The following GRID2 variants were observed in gnomAD, a reference collection of about 807,000 sequenced individuals.
GRID2 encodes glutamate ionotropic receptor delta type subunit 2.
In GRID2, 33 loss-of-function variants were observed where a neutral mutation model predicts 114.8. The observed-to-expected ratio is 0.29, with a 90% CI of 0.22 to 0.38. The LOEUF (loss-of-function observed/expected upper bound fraction) is 0.38, where lower values mean the gene tolerates loss of function less well. Among genes scored for constraint, GRID2 ranks in the 10% least tolerant of loss-of-function variants. The pLI, the probability that GRID2 is intolerant of heterozygous loss-of-function variation, is 1.00. For missense variants in GRID2, 1,184 were observed against 1,257.7 expected (o/e 0.94, Z 0.89); for synonymous variants, 505 against 449.9 (o/e 1.12, Z -1.55).
At chr4:93,250,728 G>T (rs931000029) in intron 8 of GRID2, among the ~76,000 whole-genome samples, 31 of 145,702 alleles carry the variant, frequency 2.1e-4, no homozygotes, top group Admixed American at 4.1e-4. Context: ...ACATGTATAT[G>T]TGCATATATA....
intron 8 of GRID2, among the ~76,000 whole-genome samples, chr4:93,367,387 T>C (rs1000412739): frequency 1.3e-5 from 2 of 152,066 alleles, no homozygotes; most frequent in African/African-American, 4.8e-5. Context: ...CCCCAATCTA[T>C]TGGACTCTTT....
chr4:92,469,709 AC>A (rs1380993438), intron 1 of GRID2, among the ~76,000 whole-genome samples: 2 of 152,050 alleles, frequency 1.3e-5, no homozygotes, highest in Admixed American at 6.6e-5. Context: ...AATGAAACAA[AC>A]AAAAAAGCCA....
intron 13 of GRID2, among the ~76,000 whole-genome samples, chr4:93,595,920 A>G (rs759928863): frequency 6.6e-6 from 1 of 152,118 alleles, no homozygotes; most frequent in Non-Finnish European, 1.5e-5. Context: ...CTAGATATTT[A>G]TTTTTCTTGC....
chr4:92,726,344 C>A (rs115721659), intron 2 of GRID2, among the ~76,000 whole-genome samples: 1,557 of 152,106 alleles, frequency 0.01, 24 homozygotes, highest in African/African-American at 0.036. Context: ...GTAGTGTTGC[C>A]GCAGCTGCAA....
chr4:93,540,950 A>T (rs1013472265), intron 13 of GRID2, among the ~76,000 whole-genome samples: 1 of 152,154 alleles, frequency 6.6e-6, no homozygotes, highest in Non-Finnish European at 1.5e-5. Flanking sequence ...TAACATTTTT[A>T]TCACTAAAAA....
At chr4:93,256,550 A>G (rs918238855) in intron 8 of GRID2, among the ~76,000 whole-genome samples, 4 of 151,890 alleles carry the variant, frequency 2.6e-5, no homozygotes, top group Non-Finnish European at 4.4e-5. Flanking sequence ...ATATTGAGGA[A>G]CAAAAGTCAC....
rs150572449 is a variant in GRID2, at chr4:92,922,367, C to T, written c.245-162628C>T. Among the ~76,000 whole-genome samples, 800 of 152,122 alleles carry T rather than the reference C, an allele frequency of 5.3e-3. 9 individuals carry two copies. Among genetic ancestry groups the T allele is most frequent in the African/African-American group, 0.018 (754 of 41,520 alleles). The stretch of plus-strand genomic sequence containing the variant: ...CACCCTCTGTCCTGCACCCACTGTC[C>T]GACAATCCCCAGTGAGATGAACCCA... On this transcript the variant is annotated intron_variant, in intron 2 of 15. Coordinates refer to ENST00000282020, the MANE Select transcript of GRID2 (RefSeq NM_001510.4).
chr4:92,976,360 G>C (rs1016324678), intron 2 of GRID2, among the ~76,000 whole-genome samples: 1 of 151,976 alleles, frequency 6.6e-6, no homozygotes, highest in African/African-American at 2.4e-5. Context: ...ATGCATGTCT[G>C]TTGTACCTAT....
chr4:93,140,192 T>C (rs1478120947), intron 4 of GRID2, among the ~76,000 whole-genome samples: 1 of 139,016 alleles, frequency 7.2e-6, no homozygotes, highest in Non-Finnish European at 1.5e-5. Context: ...TGAGTCTCAC[T>C]CTGTCACCCA....
chr4:92,829,896 C>T (rs1741982769), intron 2 of GRID2, among the ~76,000 whole-genome samples: 1 of 151,826 alleles, frequency 6.6e-6, no homozygotes, highest in African/African-American at 2.4e-5. Context: ...AACATATGGA[C>T]ACAAGGAGGG....
At chr4:93,799,549 T>C (rs1489625078) in intron 1 of GRID2, among the ~76,000 whole-genome samples, 3 of 152,214 alleles carry the variant, frequency 2.0e-5, no homozygotes, top group South Asian at 4.2e-4. Flanking sequence ...TGACTACTGA[T>C]TTTTAAAATA....
chr4:93,767,082 T>C (rs1246302046), intron 14 of GRID2, among the ~76,000 whole-genome samples: 1 of 152,186 alleles, frequency 6.6e-6, no homozygotes, highest in Non-Finnish European at 1.5e-5. Context: ...GATCAAGAGA[T>C]TATTTCCCAT....
chr4:93,596,474 A>C (rs868614361), intron 13 of GRID2, among the ~76,000 whole-genome samples: 1 of 152,084 alleles, frequency 6.6e-6, no homozygotes, highest in Non-Finnish European at 1.5e-5. Flanking sequence ...GCTACTCGGG[A>C]GGCTGAGGCA....
At chr4:92,992,656 A>G (rs1470097368) in intron 2 of GRID2, among the ~76,000 whole-genome samples, 2 of 152,206 alleles carry the variant, frequency 1.3e-5, no homozygotes, top group Admixed American at 6.5e-5. Flanking sequence ...TGGATCAAAC[A>G]TGCTGGCACA....
chr4:93,274,909 T>C (rs1751880339), intron 8 of GRID2, among the ~76,000 whole-genome samples: 1 of 152,066 alleles, frequency 6.6e-6, no homozygotes, highest in Non-Finnish European at 1.5e-5. Context: ...AACAGCTTTA[T>C]TGAGTTATAA....
intron 8 of GRID2, among the ~76,000 whole-genome samples, chr4:93,285,059 A>ACTT (rs1487330961): frequency 6.6e-6 from 1 of 152,052 alleles, no homozygotes; most frequent in Non-Finnish European, 1.5e-5. Flanking sequence ...ATCTCATCTG[A>ACTT]CTTCATATAC....
chr4:92,792,949 CTTG>C (rs1295280368), intron 2 of GRID2, among the ~76,000 whole-genome samples: 1 of 145,760 alleles, frequency 6.9e-6, no homozygotes, highest in Non-Finnish European at 1.5e-5. Flanking sequence ...ACATAAATAA[CTTG>C]TTGGTAAATC....
Position 92,445,386 on chromosome 4 carries a change from C to T in GRID2, c.88+140642C>T, listed in dbSNP as rs188573521. The stretch of plus-strand genomic sequence containing the variant: ...TATAAAAGTGAAGGATGATGCCTTC[C>T]AGTGAAGGTTCAAGGCTTTTGCCTG... On this transcript the variant is annotated intron_variant, in intron 1 of 15. Transcript: ENST00000282020. Among the ~76,000 whole-genome samples, 26 of 152,264 alleles carry T rather than the reference C, an allele frequency of 1.7e-4. No homozygotes were observed. In the East Asian group the frequency reaches 4.8e-3, roughly 28 times the overall value.
At chr4:93,548,102 G>A (rs565445429) in intron 13 of GRID2, among the ~76,000 whole-genome samples, 134 of 152,092 alleles carry the variant, frequency 8.8e-4, no homozygotes, top group African/African-American at 2.7e-3. Context: ...ACTTCAACCC[G>A]GGAGACGGAG....
Sources: gnomAD v4.1 joint callset for allele counts (sites outside exome capture counted in the v4.1 genomes callset) on GRCh38, gnomAD v4.1.1 for gene constraint, MANE v1.5 for transcripts, NCBI Gene and HGNC (gene_info 2026-07-23, HGNC 2026-07-21) for gene names.